The following NDUFA5 variants were observed in gnomAD, a reference collection of about 807,000 sequenced individuals.
NDUFA5 encodes the protein NADH:ubiquinone oxidoreductase subunit A5, also known as NADH dehydrogenase [ubiquinone] 1 alpha subcomplex subunit 5.
A neutral mutation model predicts 19.8 loss-of-function variants in NDUFA5; 11 were observed. The observed-to-expected ratio is 0.56, with a 90% CI of 0.35 to 0.92. NDUFA5 has a LOEUF of 0.92. Ranked by LOEUF, NDUFA5 falls within the 40% of genes least tolerant of loss-of-function variation. NDUFA5 has a pLI of 0.01. For synonymous variants in NDUFA5, 47 were observed against 46.8 expected, an observed-to-expected ratio of 1.00 and a Z score of -0.01; for missense variants, 109 against 134.2, an observed-to-expected ratio of 0.81 and a Z score of 0.93.
chr7:123,558,461 G>T (rs770907601), upstream of NDUFA5, among the ~76,000 whole-genome samples: 34 of 152,166 alleles, frequency 2.2e-4, no homozygotes, highest in Non-Finnish European at 3.1e-4. Flanking sequence ...TCTAAAATGG[G>T]ATTTCACATC....
At chr7:123,553,876 C>G (rs967724696) in intron 2 of NDUFA5, among the ~76,000 whole-genome samples, 1 of 152,192 alleles carries the variant, frequency 6.6e-6, no homozygotes, top group Non-Finnish European at 1.5e-5. Flanking sequence ...GAATTCACTT[C>G]AGCTGAGACC....
At chr7:123,577,167 A>G in the NDUFA5 span, among the ~76,000 whole-genome samples, 1 of 152,112 alleles carries the variant, frequency 6.6e-6, no homozygotes, top group East Asian at 1.9e-4. Flanking sequence ...TGATGTTTTG[A>G]ACTTAGATGT....
chr7:123,588,889 T>C, the NDUFA5 span, among the ~76,000 whole-genome samples: 1 of 151,870 alleles, frequency 6.6e-6, no homozygotes, highest in Non-Finnish European at 1.5e-5. Flanking sequence ...ATTTTTTTTC[T>C]ATTATTGGTT....
chr7:123,581,298 G>A, the NDUFA5 span, among the ~76,000 whole-genome samples: 1 of 151,002 alleles, frequency 6.6e-6, no homozygotes, highest in Admixed American at 6.6e-5. Context: ...AATTCAAAAC[G>A]AGTCTATCAT....
At chr7:123,553,455 T>C (rs1798431030) in intron 2 of NDUFA5, among the ~76,000 whole-genome samples, 1 of 152,148 alleles carries the variant, frequency 6.6e-6, no homozygotes, top group Non-Finnish European at 1.5e-5. Context: ...TCCCACCAGG[T>C]TCCTCTCCCA....
chr7:123,584,492 T>C, the NDUFA5 span, among the ~76,000 whole-genome samples: 3 of 151,964 alleles, frequency 2.0e-5, no homozygotes, highest in African/African-American at 4.8e-5. Context: ...AGAGTTTACA[T>C]ACTAACATCT....
At chr7:123,545,724 G>T (rs756138842) in intron 3 of NDUFA5, 48 bp from the exon 4 acceptor site, 1 of 1,256,872 alleles carries the variant, frequency 8.0e-7, no homozygotes, top group Non-Finnish European at 1.1e-6. Context: ...CTAACTGAAT[G>T]TTTCAATATC....
chr7:123,561,167 T>G (rs1388604686), upstream of NDUFA5, among the ~76,000 whole-genome samples: 1 of 152,202 alleles, frequency 6.6e-6, no homozygotes, highest in Non-Finnish European at 1.5e-5. Flanking sequence ...TTGCAGAAAT[T>G]TTTCACAAAA....
the NDUFA5 span, among the ~76,000 whole-genome samples, chr7:123,592,056 A>G: frequency 2.6e-5 from 4 of 152,046 alleles, no homozygotes; most frequent in African/African-American, 9.7e-5. Context: ...GAATTTATCC[A>G]TTTCTTCTAG....
chr7:123,572,748 T>C, the NDUFA5 span, among the ~76,000 whole-genome samples: 8 of 152,068 alleles, frequency 5.3e-5, no homozygotes, highest in African/African-American at 1.9e-4. Flanking sequence ...TAAATGTGTG[T>C]ACTTTAAGTA....
chr7:123,576,536 G>T, the NDUFA5 span, among the ~76,000 whole-genome samples: 1 of 151,794 alleles, frequency 6.6e-6, no homozygotes, highest in African/African-American at 2.4e-5. Flanking sequence ...ATTTTCCTTG[G>T]CCAACTATGT....
the NDUFA5 span, among the ~76,000 whole-genome samples, chr7:123,601,475 G>C: frequency 5.3e-5 from 8 of 152,260 alleles, no homozygotes; most frequent in East Asian, 1.2e-3. Context: ...AAAATAGTGT[G>C]TATTAAAATA....
At chr7:123,556,031 G>C (rs139314152) in intron 2 of NDUFA5, 8 of 152,356 alleles carry the variant, frequency 5.3e-5, no homozygotes, top group Middle Eastern at 3.4e-3. Flanking sequence ...TAGTAGCAGA[G>C]GAGGTAGTGA....
At chr7:123,545,451 T>G (rs1256043275) in intron 4 of NDUFA5, among the ~76,000 whole-genome samples, 160 bp downstream of exon 4, 1 of 152,116 alleles carries the variant, frequency 6.6e-6, no homozygotes, top group Non-Finnish European at 1.5e-5. Flanking sequence ...AATACTATAA[T>G]CAACATACAC....
At chr7:123,578,885 A>G in the NDUFA5 span, among the ~76,000 whole-genome samples, 1 of 152,098 alleles carries the variant, frequency 6.6e-6, no homozygotes, top group Non-Finnish European at 1.5e-5. Context: ...ACCTATGACA[A>G]TGTAATTTAC....
chr7:123,547,489 C>A (rs1422821337), intron 3 of NDUFA5, among the ~76,000 whole-genome samples: 1 of 151,960 alleles, frequency 6.6e-6, no homozygotes, highest in Non-Finnish European at 1.5e-5. Flanking sequence ...GCACAAGTTT[C>A]CATGCCTAGA....
chr7:123,558,072 T>C (rs549388881), upstream of NDUFA5: 31 of 567,448 alleles, frequency 5.5e-5, no homozygotes, highest in East Asian at 9.1e-4. Flanking sequence ...GCTGACGGCT[T>C]GCCCAAAGAT....
At chr7:123,550,304 A>T in intron 3 of NDUFA5, 166 bp downstream of exon 3, 1 of 566,780 alleles carries the variant, frequency 1.8e-6, no homozygotes, top group Non-Finnish European at 3.1e-6. Context: ...GCATATAGAA[A>T]ACACTCAATA....
In NDUFA5 at chr7:123,538,610, G is replaced by C. The variant is rs1206804134; in HGVS notation, c.*3509C>G. ...TCACCATATTGGCCAGGCTGGCCTC[G>C]AACTTTTGACCTCAAGTGATCCACC... On this transcript the variant is annotated 3_prime_UTR_variant, in exon 5 of 5. Coordinates refer to ENST00000355749, the MANE Select transcript of NDUFA5 (RefSeq NM_005000.5). 6.6e-6 allele frequency: 1 copy of C among 152,170 alleles called. No homozygotes were observed. The highest frequency in any genetic ancestry group is 2.4e-5 in the African/African-American group (1 of 41,422). 9.4% of individuals were successfully genotyped at this position (152,170 alleles called of 1,614,324 possible).
Sources: gnomAD v4.1 joint callset for allele counts (sites outside exome capture counted in the v4.1 genomes callset) on GRCh38, gnomAD v4.1.1 for gene constraint, MANE v1.5 for transcripts, NCBI Gene and HGNC (gene_info 2026-07-23, HGNC 2026-07-21) for gene names.